The following ISM2 variants were observed in gnomAD, a reference collection of about 807,000 sequenced individuals.
The protein encoded by ISM2 is isthmin-2.
In ISM2, 50 loss-of-function variants were observed where a neutral mutation model predicts 58.0. The observed-to-expected ratio is 0.86, with a 90% CI of 0.69 to 1.09. The LOEUF is 1.09. Among genes scored for constraint, ISM2 ranks in the 50% least tolerant of loss-of-function variants. The probability of loss-of-function intolerance (pLI) is 0.00; values close to 1 mark genes in which losing one functional copy is unlikely to be tolerated. For missense variants in ISM2, 723 were observed against 745.0 expected, an observed-to-expected ratio of 0.97 and a Z score of 0.34; for synonymous variants, 303 against 312.4, an observed-to-expected ratio of 0.97 and a Z score of 0.32.
Position 77,475,244 on chromosome 14 carries a change from T to G in ISM2, c.*351A>C. The G allele has an allele frequency of 5.5e-6, 1 of 180,662 alleles. No homozygotes were observed. The highest frequency in any genetic ancestry group is 1.1e-5 in the Non-Finnish European group (1 of 87,702). The allele number at this position is 180,662 out of a possible 1,614,324, so 11.2% of individuals were successfully genotyped here. A position where few individuals can be genotyped will look rare whatever the true frequency, so the allele number is the denominator to read the frequency against. On this transcript the variant is annotated 3_prime_UTR_variant, in exon 7 of 7. Coordinates refer to ENST00000342219, the MANE Select transcript of ISM2 (RefSeq NM_199296.3). The surrounding 1 kb of genome is among the most constrained non-coding windows in gnomAD (Gnocchi z 4.1). ...TTTTCTGGAGCTGCTGGCTAACACT[T>G]ATGTGCAGAGCCAGGGCAGAAGAGC...
rs537228308 is a variant in ISM2, at chr14:77,480,548, C to CT, written c.973+1773dup. ...AGCTGAAAAACACGGAAATTTTTTC[C>CT]TTTTTTTTTTTTTTTTTTTTTTTTT... On this transcript the variant is annotated intron_variant, in intron 4 of 6. Coordinates refer to ENST00000342219, the MANE Select transcript of ISM2 (RefSeq NM_199296.3). Among the ~76,000 whole-genome samples the CT allele has an allele frequency of 7.2e-4, 61 of 84,826 alleles. 2 individuals are homozygous for CT. Among genetic ancestry groups the CT allele is most frequent in the African/African-American group, 2.1e-3 (43 of 20,578 alleles). The allele number at this position is 84,826 out of a possible 152,430, so 55.6% of individuals were successfully genotyped here.
At position 77,492,236 on chromosome 14, in the gene ISM2, G is replaced by T. The variant is rs1479678118; in HGVS notation, c.141+6417C>A. The stretch of plus-strand genomic sequence containing the variant: ...CAGCTCTTCTTTCTCCCATGCCAAG[G>T]TCTTCCCTTGCCTGCCAGGGAGGTG... On this transcript the variant is annotated intron_variant, in intron 1 of 6. Coordinates refer to ENST00000342219, the MANE Select transcript of ISM2 (RefSeq NM_199296.3). Among the ~76,000 whole-genome samples, 3 of 152,032 alleles carry T rather than the reference G, an allele frequency of 2.0e-5. No individual in the cohort carries two copies. In the East Asian group the frequency reaches 5.8e-4, roughly 29 times the overall value.
chr14:77,482,728 C>G, intron 3 of ISM2, 61 bp from the exon 4 acceptor site: 1 of 1,071,566 alleles, frequency 9.3e-7, no homozygotes, highest in Non-Finnish European at 1.3e-6. Context: ...TCCAAAGAGA[C>G]GAGGGATGAT....
chr14:77,486,541 C>T (rs2079168945), intron 1 of ISM2, among the ~76,000 whole-genome samples: 2 of 152,222 alleles, frequency 1.3e-5, no homozygotes, highest in Non-Finnish European at 2.9e-5. Flanking sequence ...AGGCCTGGAG[C>T]ATCCCTAAGT....
chr14:77,498,774 CG>C lies in ISM2; in HGVS notation c.19del (p.Arg7GlufsTer19). ...CAGCACGCAGAGGAGGAGCCCGGCT[CG>C]GTCGCGGAGCGCACGCATCGTCTCG... MRALRD[R>X]AGLLLCVLLL... On this transcript the variant is annotated frameshift_variant, in exon 1 of 7. Coordinates refer to ENST00000342219, the MANE Select transcript of ISM2 (RefSeq NM_199296.3). LOFTEE classifies it high-confidence loss of function. 1 of 1,463,610 alleles carries C rather than the reference CG, an allele frequency of 6.8e-7. No homozygotes were observed. Among genetic ancestry groups the C allele is most frequent in the Non-Finnish European group, 9.0e-7 (1 of 1,116,704 alleles). 90.7% of individuals were successfully genotyped at this position (1,463,610 alleles called of 1,614,324 possible).
chr14:77,488,151 C>A (rs1042733791), intron 1 of ISM2, among the ~76,000 whole-genome samples: 1 of 152,214 alleles, frequency 6.6e-6, no homozygotes, highest in African/African-American at 2.4e-5. Flanking sequence ...ATTGTGTCTG[C>A]TTTGTTCACT....
chr14:77,496,007 G>A (rs2079237367), intron 1 of ISM2, among the ~76,000 whole-genome samples: 1 of 152,050 alleles, frequency 6.6e-6, no homozygotes, highest in South Asian at 2.1e-4. Context: ...GAGGTCAGGA[G>A]TTTGAGACCA....
intron 1 of ISM2, among the ~76,000 whole-genome samples, chr14:77,495,538 T>C (rs1003253795): frequency 6.6e-6 from 1 of 152,144 alleles, no homozygotes; most frequent in African/African-American, 2.4e-5. Flanking sequence ...CATCTCCATG[T>C]AGGAGGAGGG....
chr14:77,498,729 T>A lies in ISM2; in HGVS notation c.65A>T (p.Glu22Val). The A allele has an allele frequency of 6.7e-7, 1 of 1,482,076 alleles. No individual in the cohort carries two copies. Among genetic ancestry groups the A allele is most frequent in the Non-Finnish European group, 8.9e-7 (1 of 1,124,884 alleles). The allele number at this position is 1,482,076 out of a possible 1,614,324, so 91.8% of individuals were successfully genotyped here. ...CTTCACGGGGAGCCCTAGCGCCGCC[T>A]CCAGCAGCGCCGCCAGCAGCAGCAC... ...LCVLLLAALL[E>V]AALGLPVKKP... The change falls in exon 1 of 7, where the codon GAG (glutamate) becomes GTG (valine). Residue 22 changes from glutamate (E) to valine (V), a missense_variant. Coordinates refer to ENST00000342219, the MANE Select transcript of ISM2 (RefSeq NM_199296.3).
At chr14:77,481,643 G>A (rs1194873100) in intron 4 of ISM2, among the ~76,000 whole-genome samples, 1 of 152,124 alleles carries the variant, frequency 6.6e-6, no homozygotes, top group Non-Finnish European at 1.5e-5. Flanking sequence ...AGGAGTCAAA[G>A]TCACACACAC....
chr14:77,476,602 G>A lies in ISM2; in HGVS notation c.1199-490C>T, dbSNP rs909310634. ...CATTTGGCCACTTTGGGCCTCCTGT[G>A]GCCCCCTCTGTCTATGCTGCTCTCC... On this transcript the variant is annotated intron_variant, in intron 6 of 6. Coordinates refer to ENST00000342219, the MANE Select transcript of ISM2 (RefSeq NM_199296.3). Among the ~76,000 whole-genome samples the A allele has an allele frequency of 2.6e-5, 4 of 152,244 alleles. No individual in the cohort carries two copies. The East Asian group carries it at 7.7e-4, about 29-fold the overall frequency.
At chr14:77,477,315 T>C (rs2079104520) in intron 6 of ISM2, among the ~76,000 whole-genome samples, 1 of 152,100 alleles carries the variant, frequency 6.6e-6, no homozygotes, top group African/African-American at 2.4e-5. Context: ...CTCATCCTAA[T>C]GGGATGAGCT....
At position 77,478,326 on chromosome 14, in the gene ISM2, C is replaced by T. The variant is rs1212720942; in HGVS notation, c.1115-1G>A. On this transcript the variant is annotated splice_acceptor_variant, in intron 5 of 6. Transcript: ENST00000342219. LOFTEE classifies it high-confidence loss of function. ...CCCAAGGTGTCCTTGTCCTCAGTGC[C>T]TTTGGGAGGAAAGGAGGCCAGGCTG... is the stretch of plus-strand genomic sequence containing the variant. The T allele has an allele frequency of 4.3e-6, 7 of 1,613,528 alleles. No individual in the cohort carries two copies. The highest frequency in any genetic ancestry group is 5.9e-6 in the Non-Finnish European group (7 of 1,179,532).
At chr14:77,496,885 G>A (rs1187161064) in intron 1 of ISM2, among the ~76,000 whole-genome samples, 1 of 149,410 alleles carries the variant, frequency 6.7e-6, no homozygotes, top group Non-Finnish European at 1.5e-5. Flanking sequence ...TCCTTAAGGG[G>A]GCAGAAAAAA....
intron 1 of ISM2, among the ~76,000 whole-genome samples, chr14:77,495,169 T>C (rs968395977): frequency 3.3e-5 from 5 of 152,138 alleles, no homozygotes; most frequent in African/African-American, 9.7e-5. Context: ...GGATTACAGG[T>C]GTGAGCCACC....
Position 77,475,789 on chromosome 14 carries a change from C to T in ISM2, c.1522G>A (p.Gly508Ser), listed in dbSNP as rs749032904. Residue 508 changes from glycine to serine, a missense_variant, in exon 7 of 7, where the codon GGC becomes AGC. Gly to Ser is a moderately conservative substitution (Grantham distance 56, BLOSUM62 0). Coordinates refer to ENST00000342219, the MANE Select transcript of ISM2 (RefSeq NM_199296.3). This position sits in a 1 kb window ranked among gnomAD's most constrained non-coding sequence, Gnocchi z 4.1. ...TCGGTGCTGATGAGGTTGGGCATGC[C>T]GGCGCCCTTGCCACGGGTCAGCAGC... ...SRLLTRGKGA[G>S]MPNLISTDFS... 3.7e-5 allele frequency: 60 copies of T among 1,613,058 alleles called. No individual in the cohort carries two copies. The highest frequency in any genetic ancestry group is 2.0e-4 in the East Asian group (9 of 44,864).
At chr14:77,485,431 G>A (rs886887008) in intron 1 of ISM2, among the ~76,000 whole-genome samples, 1 of 152,248 alleles carries the variant, frequency 6.6e-6, no homozygotes, top group East Asian at 1.9e-4. Flanking sequence ...CATGAGGGCT[G>A]TGTTCCTCCG....
In ISM2 at chr14:77,482,757, G is replaced by A. The variant is rs542628436; in HGVS notation, c.628-90C>T. ...GGATGATGGGGTCAGGGTCAGAGGT[G>A]AGAGGCCCAACCTTTCCTTCAAACC... On this transcript the variant is annotated intron_variant, in intron 3 of 6. Transcript: ENST00000342219. The A allele has an allele frequency of 4.5e-4, 354 of 795,024 alleles. 1 individual carries two copies. In the African/African-American group the frequency reaches 5.7e-3, roughly 13 times the overall value. The allele number at this position is 795,024 out of a possible 1,614,324, so 49.2% of individuals were successfully genotyped here.
At chr14:77,481,622 G>A (rs551069821) in intron 4 of ISM2, among the ~76,000 whole-genome samples, 1 of 152,142 alleles carries the variant, frequency 6.6e-6, no homozygotes, top group Admixed American at 6.5e-5. Context: ...CAGCTGGTAA[G>A]CAACACAGTC....
Sources: allele counts gnomAD v4.1 joint callset (sites outside exome capture counted in the v4.1 genomes callset), GRCh38; gene constraint gnomAD v4.1.1; non-coding constraint Gnocchi (gnomAD v3.1); transcripts MANE v1.5; gene names NCBI Gene and HGNC (gene_info 2026-07-23, HGNC 2026-07-21).